The following FBXL4 variants were observed in gnomAD, a reference collection of about 807,000 sequenced individuals.
The protein encoded by FBXL4 is F-box and leucine rich repeat protein 4, also known as F-box/LRR-repeat protein 4.
Under a neutral mutation model 58.9 loss-of-function variants are expected in FBXL4, and 40 were observed. That is an observed-to-expected ratio of 0.68 (90% confidence interval 0.53 to 0.88). The LOEUF (loss-of-function observed/expected upper bound fraction) is 0.88. Among genes scored for constraint, FBXL4 ranks in the 40% least tolerant of loss-of-function variants. FBXL4 has a pLI of 0.00. For synonymous variants in FBXL4, 263 were observed against 265.5 expected (o/e 0.99, Z 0.09); for missense variants, 676 against 734.4 (o/e 0.92, Z 0.92).
intron 5 of FBXL4, among the ~76,000 whole-genome samples, chr6:98,909,707 C>T (rs1331275608): frequency 1.3e-5 from 2 of 152,180 alleles, no homozygotes; most frequent in Non-Finnish European, 2.9e-5. Flanking sequence ...CCCTGAGGAG[C>T]AACACTGTCA....
chr6:98,922,817 G>T (rs1421328567), intron 4 of FBXL4, among the ~76,000 whole-genome samples: 1 of 152,062 alleles, frequency 6.6e-6, no homozygotes, highest in Non-Finnish European at 1.5e-5. Context: ...GGTAACATTG[G>T]CATTTTGTTT....
intron 8 of FBXL4, 109 bp downstream of exon 8, chr6:98,880,444 T>C: frequency 1.2e-6 from 1 of 829,976 alleles, no homozygotes; most frequent in Non-Finnish European, 2.0e-6. Context: ...ACCATAAATC[T>C]GAAAAACTGT....
chr6:98,917,019 T>C (rs1178116977), intron 5 of FBXL4, among the ~76,000 whole-genome samples: 1 of 152,050 alleles, frequency 6.6e-6, no homozygotes, highest in African/African-American at 2.4e-5. Context: ...TAGCAAATCA[T>C]CTTTAACATA....
intron 7 of FBXL4, chr6:98,897,056 TA>T (rs1284340991): frequency 2.0e-6 from 2 of 984,356 alleles, no homozygotes; most frequent in Non-Finnish European, 1.2e-6. Flanking sequence ...AGCAAGTTAA[TA>T]TTTTTTTGGT....
chr6:98,878,866 T>C (rs9375730), intron 8 of FBXL4, among the ~76,000 whole-genome samples: 24,775 of 151,958 alleles, frequency 0.16, 2,406 homozygotes, highest in East Asian at 0.47. Context: ...TGTCATCGGG[T>C]CCATCAAGAA....
At chr6:98,875,912 T>A (rs1770646596) in intron 8 of FBXL4, among the ~76,000 whole-genome samples, 185 bp from the exon 9 acceptor site, 1 of 151,930 alleles carries the variant, frequency 6.6e-6, no homozygotes, top group African/African-American at 2.4e-5. Context: ...CAGCCAGGAG[T>A]ACTCATTTAT....
chr6:98,919,079 G>A (rs1340161668), intron 4 of FBXL4, among the ~76,000 whole-genome samples: 1 of 151,984 alleles, frequency 6.6e-6, no homozygotes, highest in African/African-American at 2.4e-5. Context: ...ACTCAAGGGA[G>A]AAATCAGAGC....
chr6:98,883,631 C>T (rs1418334727), intron 7 of FBXL4, among the ~76,000 whole-genome samples: 1 of 151,764 alleles, frequency 6.6e-6, no homozygotes, highest in Non-Finnish European at 1.5e-5. Context: ...ATTTTCCCCA[C>T]ATTGTTCCAG....
chr6:98,910,000 A>G lies in FBXL4; in HGVS notation c.859-4330T>C, dbSNP rs777923096. The stretch of plus-strand genomic sequence containing the variant: ...ATTACTCTAAGACATTCAAAAGGCT[A>G]TCTTACTGTTTCATGAAAGTTAAGC... On this transcript the variant is annotated intron_variant, in intron 5 of 9. Transcript: ENST00000369244. Among the ~76,000 whole-genome samples the G allele has an allele frequency of 6.6e-4, 100 of 152,382 alleles. 1 individual carries two copies. Among genetic ancestry groups the G allele is most frequent in the Non-Finnish European group, 5.1e-4 (35 of 68,040 alleles).
At chr6:98,940,509 G>A (rs1234066493) in intron 1 of FBXL4, among the ~76,000 whole-genome samples, 4 of 152,176 alleles carry the variant, frequency 2.6e-5, no homozygotes, top group Non-Finnish European at 5.9e-5. Context: ...GGTGGGTGGT[G>A]ATACCCTGTG....
intron 5 of FBXL4, among the ~76,000 whole-genome samples, chr6:98,911,071 G>A (rs1405708770): frequency 1.3e-5 from 2 of 152,124 alleles, no homozygotes; most frequent in African/African-American, 4.8e-5. Flanking sequence ...GAGTCTCGCT[G>A]ATTGCTAGGA....
At chr6:98,938,953 T>C (rs1208766623) in intron 1 of FBXL4, among the ~76,000 whole-genome samples, 1 of 151,152 alleles carries the variant, frequency 6.6e-6, no homozygotes, top group African/African-American at 2.4e-5. Context: ...CTAAGTGTGG[T>C]GGTGTGCACC....
intron 7 of FBXL4, chr6:98,898,348 C>A (rs1410236713): frequency 1.0e-6 from 1 of 985,266 alleles, no homozygotes; most frequent in African/African-American, 1.7e-5. Flanking sequence ...TACTCTTTAA[C>A]CTAGCAATAC....
chr6:98,917,274 T>C, intron 5 of FBXL4, 100 bp downstream of exon 5: 1 of 803,494 alleles, frequency 1.2e-6, no homozygotes, highest in East Asian at 2.7e-5. Flanking sequence ...ATATATAACT[T>C]ACCAATGCTC....
intron 2 of FBXL4, 63 bp from the exon 3 acceptor site, chr6:98,927,885 A>G (rs1772851788): frequency 6.6e-6 from 1 of 152,260 alleles, no homozygotes; most frequent in Non-Finnish European, 1.5e-5. Flanking sequence ...AATATCCAAA[A>G]TTATAAATAG....
At chr6:98,880,281 T>C (rs923023414) in intron 8 of FBXL4, among the ~76,000 whole-genome samples, 5 of 152,242 alleles carry the variant, frequency 3.3e-5, no homozygotes, top group African/African-American at 1.2e-4. Flanking sequence ...GTGATTAGCT[T>C]GTCGGAGACA....
At chr6:98,887,658 AAG>A in intron 7 of FBXL4, among the ~76,000 whole-genome samples, 1 of 150,222 alleles carries the variant, frequency 6.7e-6, no homozygotes, top group African/African-American at 2.5e-5. Flanking sequence ...CATAGAATAA[AAG>A]AGATTTATGT....
At position 98,921,872 on chromosome 6, in the gene FBXL4, T is replaced by C. The variant is rs181909253; in HGVS notation, c.513-4153A>G. Among the ~76,000 whole-genome samples the C allele has an allele frequency of 2.4e-3, 368 of 152,328 alleles. 1 individual carries two copies. Among genetic ancestry groups the C allele is most frequent in the Non-Finnish European group, 3.9e-3 (262 of 68,024 alleles). ...ATTGGTTTCTTTAATCTGACCTCTA[T>C]TTGTCATCTTCTTCTTCCCCGTTTC... is the stretch of plus-strand genomic sequence containing the variant. On this transcript the variant is annotated intron_variant, in intron 4 of 9. Coordinates refer to ENST00000369244, the MANE Select transcript of FBXL4 (RefSeq NM_001278716.2).
At chr6:98,882,323 G>A (rs1419348828) in intron 7 of FBXL4, among the ~76,000 whole-genome samples, 1 of 151,660 alleles carries the variant, frequency 6.6e-6, no homozygotes, top group Non-Finnish European at 1.5e-5. Context: ...ATCATGACTC[G>A]GTGTTTAAAA....
Sources: allele counts gnomAD v4.1 joint callset (sites outside exome capture counted in the v4.1 genomes callset), GRCh38; gene constraint gnomAD v4.1.1; transcripts MANE v1.5; gene names NCBI Gene and HGNC (gene_info 2026-07-23, HGNC 2026-07-21).